P2RX3: variants seen among roughly 807,000 people sequenced by gnomAD.
The protein encoded by P2RX3 is purinergic receptor P2X 3, also known as P2X purinoceptor 3.
A neutral mutation model predicts 51.5 loss-of-function variants in P2RX3; 41 were observed. The ratio of observed to expected loss-of-function variants is 0.80; its 90% CI spans 0.62 to 1.03. The LOEUF is 1.03. Ranked by LOEUF, P2RX3 falls within the 50% of genes least tolerant of loss-of-function variation. The probability of loss-of-function intolerance (pLI) is 0.00; values close to 1 mark genes in which losing one functional copy is unlikely to be tolerated. For synonymous variants in P2RX3, 185 were observed against 191.6 expected, an observed-to-expected ratio of 0.97 and a Z score of 0.29; for missense variants, 459 against 522.1, an observed-to-expected ratio of 0.88 and a Z score of 1.18.
intron 6 of P2RX3, among the ~76,000 whole-genome samples, chr11:57,349,246 A>G (rs1856497912): frequency 6.7e-6 from 1 of 150,016 alleles, no homozygotes; most frequent in African/African-American, 2.5e-5. Flanking sequence ...GTGGATCACG[A>G]GGTCAGGAGT....
intron 2 of P2RX3, 65 bp downstream of exon 2, chr11:57,346,744 A>G: frequency 6.3e-7 from 1 of 1,583,006 alleles, no homozygotes; most frequent in Non-Finnish European, 8.6e-7. Flanking sequence ...GAAGGGAGAA[A>G]GCGAGCAAAG....
intron 1 of P2RX3, among the ~76,000 whole-genome samples, chr11:57,345,657 G>A (rs1856417089): frequency 6.6e-6 from 1 of 152,208 alleles, no homozygotes; most frequent in African/African-American, 2.4e-5. Flanking sequence ...CACTTTATAG[G>A]AAAGCAGAGG....
At position 57,347,437 on chromosome 11, in the gene P2RX3, T is replaced by C. The variant is rs1314274212; in HGVS notation, c.350T>C (p.Val117Ala). ...CPESEEKYRC[V>A]SDSQCGPERL... ...CAGAGTGAGGAGAAATACCGCTGTG[T>C]ATCAGACAGCCAGTGCGGGCCTGAG... Residue 117 changes from valine (V) to alanine (A), a missense_variant, in exon 4 of 12, where the codon GTA becomes GCA. Physicochemically the swap from Val to Ala is moderately conservative, Grantham distance 64 (BLOSUM62 0). Transcript: ENST00000263314. 1 of 1,559,560 alleles carries C rather than the reference T, an allele frequency of 6.4e-7. No homozygotes were observed. Among genetic ancestry groups the C allele is most frequent in the South Asian group, 1.2e-5 (1 of 84,602 alleles).
intron 8 of P2RX3, among the ~76,000 whole-genome samples, chr11:57,367,052 G>A (rs769575095): frequency 2.6e-5 from 4 of 151,800 alleles, no homozygotes; most frequent in Admixed American, 2.6e-4. Flanking sequence ...GAAATGAGAC[G>A]AATAGTCTGA....
intron 8 of P2RX3, among the ~76,000 whole-genome samples, chr11:57,360,104 C>T (rs1856691123): frequency 6.6e-6 from 1 of 152,234 alleles, no homozygotes; most frequent in African/African-American, 2.4e-5. Flanking sequence ...ACTCATTCAG[C>T]TGTTGTGAGG....
chr11:57,360,671 T>C (rs1344106980), intron 8 of P2RX3, among the ~76,000 whole-genome samples: 3 of 151,656 alleles, frequency 2.0e-5, no homozygotes, highest in Non-Finnish European at 4.4e-5. Context: ...GGTGCACACC[T>C]GTAATCCCAG....
intron 8 of P2RX3, among the ~76,000 whole-genome samples, chr11:57,354,136 G>T (rs1047188593): frequency 6.6e-6 from 1 of 152,100 alleles, no homozygotes; most frequent in Admixed American, 6.6e-5. Flanking sequence ...AAAGTGGCCT[G>T]CTCCATTCAT....
At chr11:57,368,517 C>A in intron 10 of P2RX3, 80 bp downstream of exon 10, 2 of 1,493,884 alleles carry the variant, frequency 1.3e-6, no homozygotes, top group Non-Finnish European at 1.9e-6. Context: ...GGAGTGACGG[C>A]GGCAAAACTC....
chr11:57,366,907 C>G (rs60931171), intron 8 of P2RX3, among the ~76,000 whole-genome samples: 51,105 of 152,002 alleles, frequency 0.34, 10,462 homozygotes, highest in East Asian at 0.65. Flanking sequence ...TCCATGAGGG[C>G]AGAGCCCGCA....
intron 8 of P2RX3, among the ~76,000 whole-genome samples, chr11:57,360,812 A>AAG (rs1856705883): frequency 7.0e-6 from 1 of 142,640 alleles, no homozygotes; most frequent in South Asian, 2.3e-4. Context: ...AAAAAGAAAA[A>AAG]AAGAAAGAAA....
At position 57,371,985 on chromosome 11, in the gene P2RX3, G is replaced by A. The variant is rs940952846; in HGVS notation, c.*1988G>A. Among the ~76,000 whole-genome samples, 1 of 151,828 alleles carries A rather than the reference G, an allele frequency of 6.6e-6. No homozygotes were observed. Among genetic ancestry groups the A allele is most frequent in the African/African-American group, 2.4e-5 (1 of 41,290 alleles). On this transcript the variant is annotated 3_prime_UTR_variant, in exon 12 of 12. Transcript: ENST00000263314. The stretch of plus-strand genomic sequence containing the variant: ...CCGGCCAGCAAGTGTGTGTGAGCCT[G>A]AGGTTGTCCTCCGCATATCTGAACT...
chr11:57,338,059 CAGGA>C (rs1856267424), upstream of P2RX3, among the ~76,000 whole-genome samples: 1 of 152,184 alleles, frequency 6.6e-6, no homozygotes, highest in African/African-American at 2.4e-5. Flanking sequence ...GGCAGACACT[CAGGA>C]ATGAAGAGGG....
chr11:57,351,488 T>G (rs759859874), intron 8 of P2RX3, among the ~76,000 whole-genome samples: 1 of 146,644 alleles, frequency 6.8e-6, no homozygotes. Context: ...TTTCGGGTTT[T>G]GTTTTGTTTT....
At chr11:57,341,182 T>C (rs982950256) in intron 1 of P2RX3, among the ~76,000 whole-genome samples, 1 of 152,120 alleles carries the variant, frequency 6.6e-6, no homozygotes, top group Non-Finnish European at 1.5e-5. Context: ...GCTGATTCCC[T>C]GGAAGTGGAA....
intron 8 of P2RX3, 84 bp downstream of exon 8, chr11:57,350,982 T>A (rs1235819119): frequency 6.3e-7 from 1 of 1,580,798 alleles, no homozygotes; most frequent in Admixed American, 1.7e-5. Context: ...AGATCCCACA[T>A]CCATCCACCC....
intron 8 of P2RX3, among the ~76,000 whole-genome samples, chr11:57,357,523 G>A (rs1020345554): frequency 2.0e-5 from 3 of 152,122 alleles, no homozygotes; most frequent in East Asian, 1.9e-4. Context: ...AGGAAACTGA[G>A]GCCAAAAAGA....
chr11:57,344,419 C>T (rs1436663343), intron 1 of P2RX3, among the ~76,000 whole-genome samples: 1 of 152,180 alleles, frequency 6.6e-6, no homozygotes. Context: ...ATAAATAGGG[C>T]TGGGCATGGT....
In P2RX3 at chr11:57,370,116, C is replaced by T; in HGVS notation, c.*119C>T. The T allele has an allele frequency of 1.4e-6, 1 of 727,600 alleles. No individual in the cohort carries two copies. Among genetic ancestry groups the T allele is most frequent in the Admixed American group, 2.7e-5 (1 of 37,650 alleles). The allele number at this position is 727,600 out of a possible 1,614,324, so 45.1% of individuals were successfully genotyped here. ...TCATTTCTGCTGCTCATTCCATGAG[C>T]ATAGCTGGGACCCAAGTGTCTGGGC... On this transcript the variant is annotated 3_prime_UTR_variant, in exon 12 of 12. Coordinates refer to ENST00000263314, the MANE Select transcript of P2RX3 (RefSeq NM_002559.5).
At chr11:57,368,467 G>A (rs774729583) in intron 10 of P2RX3, 30 bp downstream of exon 10, 1 of 1,612,966 alleles carries the variant, frequency 6.2e-7, no homozygotes, top group Non-Finnish European at 8.5e-7. Context: ...GCTCTGACGG[G>A]CCAGTCAGAG....
Sources: gnomAD v4.1 joint callset for allele counts (sites outside exome capture counted in the v4.1 genomes callset) on GRCh38, gnomAD v4.1.1 for gene constraint, MANE v1.5 for transcripts, NCBI Gene and HGNC (gene_info 2026-07-23, HGNC 2026-07-21) for gene names.